The following RIPPLY3 variants were observed in gnomAD, a reference collection of about 807,000 sequenced individuals.
RIPPLY3 encodes protein ripply3.
In RIPPLY3, 8 loss-of-function variants were observed where a neutral mutation model predicts 11.9. The observed-to-expected ratio is 0.67, with a 90% CI of 0.40 to 1.21. The LOEUF is 1.21. Among genes scored for constraint, RIPPLY3 ranks in the 50% most tolerant of loss-of-function variants. The pLI is 0.01. For missense variants in RIPPLY3, 271 were observed against 246.0 expected (o/e 1.10, Z -0.68); for synonymous variants, 102 against 99.0 (o/e 1.03, Z -0.18).
rs1029648957 is a variant in RIPPLY3, at chr21:37,019,184, A to T, written c.*977A>T. 1 of 150,738 alleles carries T rather than the reference A, an allele frequency of 6.6e-6. No individual in the cohort carries two copies. The highest frequency in any genetic ancestry group is 1.5e-5 in the Non-Finnish European group (1 of 67,860). The allele number at this position is 150,738 out of a possible 1,614,324, so 9.3% of individuals were successfully genotyped here. A position where few individuals can be genotyped will look rare whatever the true frequency, so the allele number is the denominator to read the frequency against. ...GAGGCTGAGGCAGGAGAATGGCTAGAACCCGGGAGGCGGAGGTTGCCGTGA... is the reference window on the plus strand; with the variant it reads ...GAGGCTGAGGCAGGAGAATGGCTAGTACCCGGGAGGCGGAGGTTGCCGTGA... On this transcript the variant is annotated 3_prime_UTR_variant, in exon 4 of 4. Transcript: ENST00000329553.
chr21:37,014,301 A>G (rs1422137742), intron 3 of RIPPLY3, among the ~76,000 whole-genome samples: 1 of 152,036 alleles, frequency 6.6e-6, no homozygotes, highest in Non-Finnish European at 1.5e-5. Flanking sequence ...CTGGGCGACA[A>G]GAGCGAAACT....
intron 1 of RIPPLY3, 134 bp from the exon 2 acceptor site, chr21:37,008,023 T>G (rs374877345): frequency 1.3e-6 from 1 of 788,378 alleles, no homozygotes; most frequent in Admixed American, 2.6e-5. Context: ...CCCTGAGAAC[T>G]CCAGGGAAAG....
rs978333177 is a variant in RIPPLY3 at position 37,018,430 on chromosome 21, T to A, written c.*223T>A. ...CTCATGCATGCCTTTGAGAAAGGAT[T>A]CTAGGAGAAAGAGAAGGTCTATGTC... On this transcript the variant is annotated 3_prime_UTR_variant, in exon 4 of 4. Coordinates refer to ENST00000329553, the MANE Select transcript of RIPPLY3 (RefSeq NM_018962.3). 3.5e-6 allele frequency: 2 copies of A among 566,272 alleles called. No homozygotes were observed. The highest frequency in any genetic ancestry group is 3.8e-5 in the African/African-American group (2 of 53,228). The allele number at this position is 566,272 out of a possible 1,614,324, so 35.1% of individuals were successfully genotyped here.
At position 37,018,166 on chromosome 21, in the gene RIPPLY3, G is replaced by A; in HGVS notation, c.532G>A (p.Gly178Ser). 1 of 1,613,990 alleles carries A rather than the reference G, an allele frequency of 6.2e-7. No individual in the cohort carries two copies. The highest frequency in any genetic ancestry group is 8.5e-7 in the Non-Finnish European group (1 of 1,179,980). Residue 178 changes from glycine to serine, a missense_variant, in exon 4 of 4, where the codon GGT (glycine) becomes AGT (serine). Gly to Ser is a moderately conservative substitution (Grantham distance 56). Coordinates refer to ENST00000329553, the MANE Select transcript of RIPPLY3 (RefSeq NM_018962.3). ...CTGGGGGGAGGGTCCGCTCCCTCAAGGTGTCTCCTCAAGGGGTGGCAAGTG... is the reference window on the plus strand; with the variant it reads ...CTGGGGGGAGGGTCCGCTCCCTCAAAGTGTCTCCTCAAGGGGTGGCAAGTG... ...DHWGEGPLPQ[G>S]VSSRGGKCSS...
chr21:37,015,447 G>A, intron 3 of RIPPLY3, among the ~76,000 whole-genome samples: 1 of 152,116 alleles, frequency 6.6e-6, no homozygotes. Context: ...CACAGGCTGT[G>A]ATCACAGCCA....
At chr21:37,013,746 G>A in intron 3 of RIPPLY3, 128 bp downstream of exon 3, 1 of 639,890 alleles carries the variant, frequency 1.6e-6, no homozygotes, top group Non-Finnish European at 2.6e-6. Flanking sequence ...CTTTGGTATT[G>A]TTTAGTTTCC....
intron 1 of RIPPLY3, among the ~76,000 whole-genome samples, chr21:37,007,426 T>G (rs1285432404): frequency 7.0e-6 from 1 of 142,410 alleles, no homozygotes; most frequent in East Asian, 2.0e-4. Flanking sequence ...TTTTTTTTTT[T>G]GAGACAGGGT....
At chr21:37,010,593 C>T (rs1316321559) in intron 2 of RIPPLY3, among the ~76,000 whole-genome samples, 1 of 152,254 alleles carries the variant, frequency 6.6e-6, no homozygotes, top group African/African-American at 2.4e-5. Context: ...CATGCCCCTA[C>T]AACACTTAGG....
intron 3 of RIPPLY3, among the ~76,000 whole-genome samples, chr21:37,016,342 C>T (rs1010551525): frequency 1.3e-5 from 2 of 152,006 alleles, no homozygotes; most frequent in African/African-American, 2.4e-5. Context: ...CCCTCGAGGT[C>T]GAGAACCATT....
chr21:37,007,392 G>T (rs1183890279), intron 1 of RIPPLY3, among the ~76,000 whole-genome samples: 1 of 134,860 alleles, frequency 7.4e-6, no homozygotes, highest in Non-Finnish European at 1.5e-5. Context: ...GCAGGAGAAA[G>T]ATTCCCTCTT....
rs2069609596 is a variant in RIPPLY3 at position 37,018,858 on chromosome 21, A to G, written c.*651A>G. On this transcript the variant is annotated 3_prime_UTR_variant, in exon 4 of 4. Transcript: ENST00000329553. Reference sequence around the variant, plus strand: ...CAGGCATGAGCTACCACGCCTGGCTAATTTTTTGTATTTTTAGTAGAGACT... The same window carrying G: ...CAGGCATGAGCTACCACGCCTGGCTGATTTTTTGTATTTTTAGTAGAGACT... 1 of 151,400 alleles carries G rather than the reference A, an allele frequency of 6.6e-6. No individual in the cohort carries two copies. Among genetic ancestry groups the G allele is most frequent in the Non-Finnish European group, 1.5e-5 (1 of 67,932 alleles). The allele number at this position is 151,400 out of a possible 1,614,324, so 9.4% of individuals were successfully genotyped here.
intron 2 of RIPPLY3, among the ~76,000 whole-genome samples, chr21:37,012,185 A>G (rs895767892): frequency 1.3e-5 from 2 of 149,610 alleles, no homozygotes; most frequent in Non-Finnish European, 3.0e-5. Context: ...TTTCTGATGC[A>G]CTGCCCCAGA....
intron 2 of RIPPLY3, among the ~76,000 whole-genome samples, chr21:37,008,855 G>A (rs1480108863): frequency 6.6e-6 from 1 of 152,072 alleles, no homozygotes; most frequent in Non-Finnish European, 1.5e-5. Context: ...CAGGTCGGGA[G>A]GGGAGGGGAG....
chr21:37,017,810 C>A, intron 3 of RIPPLY3, 64 bp from the exon 4 acceptor site: 1 of 1,400,228 alleles, frequency 7.1e-7, no homozygotes, highest in East Asian at 2.4e-5. Flanking sequence ...AAAAAGCACC[C>A]TCTAGAAGCA....
At chr21:37,007,506 T>G (rs1026019681) in intron 1 of RIPPLY3, among the ~76,000 whole-genome samples, 11 of 147,712 alleles carry the variant, frequency 7.4e-5, no homozygotes, top group Non-Finnish European at 1.3e-4. Flanking sequence ...CCTCCCGGGT[T>G]CAAGCGATTT....
chr21:37,007,748 T>TA (rs2069480421), intron 1 of RIPPLY3, among the ~76,000 whole-genome samples: 2 of 152,124 alleles, frequency 1.3e-5, no homozygotes, highest in East Asian at 3.9e-4. Context: ...TACAACTCTG[T>TA]AAAATCATCT....
rs966832583 is a variant in RIPPLY3, at chr21:37,018,719, T to C, written c.*512T>C. The C allele has an allele frequency of 6.5e-6, 1 of 153,114 alleles. No homozygotes were observed. Among genetic ancestry groups the C allele is most frequent in the African/African-American group, 2.4e-5 (1 of 41,394 alleles). 9.5% of individuals were successfully genotyped at this position (153,114 alleles called of 1,614,324 possible). On this transcript the variant is annotated 3_prime_UTR_variant, in exon 4 of 4. Coordinates refer to ENST00000329553, the MANE Select transcript of RIPPLY3 (RefSeq NM_018962.3). Reference sequence around the variant, plus strand: ...GGTTTGGTTTGGTTTTGTGACGGAGTTTTGCTCTTGTCTCCCAGGCTGGAG... The same window carrying C: ...GGTTTGGTTTGGTTTTGTGACGGAGCTTTGCTCTTGTCTCCCAGGCTGGAG...
At chr21:37,017,024 G>A (rs998754754) in intron 3 of RIPPLY3, among the ~76,000 whole-genome samples, 8 of 151,554 alleles carry the variant, frequency 5.3e-5, no homozygotes, top group African/African-American at 1.9e-4. Flanking sequence ...CATGGTGGTG[G>A]GTGCCTGTAA....
At chr21:37,006,473 AC>A (rs1265536572), upstream of RIPPLY3, 1 of 261,978 alleles carries the variant, frequency 3.8e-6, no homozygotes, top group Non-Finnish European at 7.1e-6. The surrounding 1 kb of genome is among the most constrained non-coding windows in gnomAD (Gnocchi z 5.2). Flanking sequence ...CCTCCTTGAC[AC>A]CCGGCGCCAC....
Sources: gnomAD v4.1 joint callset for allele counts (sites outside exome capture counted in the v4.1 genomes callset) on GRCh38, gnomAD v4.1.1 for gene constraint, Gnocchi (gnomAD v3.1) non-coding constraint, MANE v1.5 for transcripts, NCBI Gene and HGNC (gene_info 2026-07-23, HGNC 2026-07-21) for gene names.